The following XKR6 variants were observed in gnomAD, a reference collection of about 807,000 sequenced individuals.
XKR6 encodes XK related 6, also known as XK-related protein 6.
XKR6 carries 22 observed loss-of-function variants against 56.7 expected under a neutral mutation model. The observed-to-expected ratio is 0.39, with a 90% CI of 0.28 to 0.55. XKR6 has a LOEUF of 0.55. Among genes scored for constraint, XKR6 ranks in the 20% least tolerant of loss-of-function variants. The pLI, the probability that XKR6 is intolerant of heterozygous loss-of-function variation, is 0.66. For synonymous variants in XKR6, 524 were observed against 387.8 expected (o/e 1.35, Z -4.13); for missense variants, 852 against 889.0 (o/e 0.96, Z 0.53).
At chr8:11,170,103 AAT>A (rs1391134844) in intron 1 of XKR6, among the ~76,000 whole-genome samples, 2 of 152,216 alleles carry the variant, frequency 1.3e-5, no homozygotes, top group East Asian at 3.8e-4. Flanking sequence ...TGAAAAAAAG[AAT>A]AAATCAGAGT....
At chr8:11,136,213 T>C (rs1264818192) in intron 1 of XKR6, among the ~76,000 whole-genome samples, 2 of 152,202 alleles carry the variant, frequency 1.3e-5, no homozygotes, top group Non-Finnish European at 1.5e-5. Context: ...ACTGAATGTT[T>C]ATGTCTTTCA....
rs557808555 is a variant in XKR6 at position 10,996,221 on chromosome 8, T to C, written c.765-71391A>G. On this transcript the variant is annotated intron_variant, in intron 1 of 2. Transcript: ENST00000416569. ...AATATTGCACTGTAACCCACTGTGA[T>C]TTTTTTACTTCTACTAAGAGGTGCT... 2.0e-5 allele frequency among the ~76,000 whole-genome samples: 3 copies of C among 152,320 alleles called. No individual in the cohort carries two copies. In the East Asian group the frequency reaches 5.8e-4, roughly 29 times the overall value.
At chr8:11,102,595 A>G (rs1798524992) in intron 1 of XKR6, among the ~76,000 whole-genome samples, 1 of 152,184 alleles carries the variant, frequency 6.6e-6, no homozygotes, top group African/African-American at 2.4e-5. Flanking sequence ...ACCTAACTCT[A>G]TGGAAAATTC....
rs778480737 is a variant in XKR6 at position 11,201,196 on chromosome 8, G to A, written c.144C>T (p.Pro48=). 2.0e-6 allele frequency: 3 copies of A among 1,529,264 alleles called. No individual in the cohort carries two copies. Among genetic ancestry groups the A allele is most frequent in the East Asian group, 2.5e-5 (1 of 40,180 alleles). 94.7% of individuals were successfully genotyped at this position (1,529,264 alleles called of 1,614,324 possible). A position where few individuals can be genotyped will look rare whatever the true frequency, so the allele number is the denominator to read the frequency against. The change falls in exon 1 of 3, where the codon CCC becomes CCT. Residue 48 remains proline, a synonymous_variant. Transcript: ENST00000416569. ...AGATGTGCATCGAGCTGCTCTCGCC[G>A]GGCTCGCTGCCGTCGCCGCCGCCGC... The part of the protein sequence containing the change: ...GCGGGGDGSE[P]GESSSMHICH...
chr8:11,172,463 G>C (rs117880699), intron 1 of XKR6, among the ~76,000 whole-genome samples: 1 of 152,174 alleles, frequency 6.6e-6, no homozygotes, highest in South Asian at 2.1e-4. Flanking sequence ...CGTTATATCA[G>C]TTTGGCCATC....
At chr8:10,899,304 A>C (rs1243695052) in intron 2 of XKR6, among the ~76,000 whole-genome samples, 1 of 152,248 alleles carries the variant, frequency 6.6e-6, no homozygotes, top group Non-Finnish European at 1.5e-5. Flanking sequence ...TGTCACCAGC[A>C]GCCTGTGCTC....
chr8:10,997,352 T>C (rs950014033), intron 1 of XKR6, among the ~76,000 whole-genome samples: 1 of 152,164 alleles, frequency 6.6e-6, no homozygotes, highest in African/African-American at 2.4e-5. Context: ...ACTATTTCCA[T>C]TGTACAGATT....
chr8:10,991,813 T>C (rs1797999299), intron 1 of XKR6, among the ~76,000 whole-genome samples: 1 of 152,250 alleles, frequency 6.6e-6, no homozygotes, highest in Admixed American at 6.5e-5. Context: ...TTTTTCTTTT[T>C]ACACCTGACC....
At chr8:10,930,509 C>T (rs1392248764) in intron 1 of XKR6, among the ~76,000 whole-genome samples, 5 of 152,274 alleles carry the variant, frequency 3.3e-5, no homozygotes, top group African/African-American at 1.2e-4. Flanking sequence ...AATAAAACTA[C>T]AGACAACATC....
intron 1 of XKR6, among the ~76,000 whole-genome samples, chr8:11,115,743 G>C (rs974537175): frequency 4.6e-5 from 7 of 152,186 alleles, no homozygotes; most frequent in African/African-American, 1.7e-4. Flanking sequence ...GCTTGTGGGA[G>C]TTATTTGTGT....
At chr8:11,085,862 A>T (rs959289004) in intron 1 of XKR6, among the ~76,000 whole-genome samples, 29 of 152,246 alleles carry the variant, frequency 1.9e-4, no homozygotes, top group African/African-American at 2.4e-5. Context: ...ACCTTGCGTC[A>T]CTCAGGGAGT....
chr8:10,958,664 C>T (rs4645525), intron 1 of XKR6, among the ~76,000 whole-genome samples: 26,464 of 152,224 alleles, frequency 0.17, 3,061 homozygotes, highest in African/African-American at 0.33. Flanking sequence ...AGCCTGGACT[C>T]AGCCTGGGCC....
intron 1 of XKR6, chr8:11,123,942 A>C (rs1003836449): frequency 1.5e-5 from 7 of 455,990 alleles, no homozygotes; most frequent in African/African-American, 1.4e-4. Flanking sequence ...TCATCGCAGC[A>C]GAGGATCGGC....
At chr8:11,167,988 T>C (rs974797369) in intron 1 of XKR6, among the ~76,000 whole-genome samples, 1 of 139,358 alleles carries the variant, frequency 7.2e-6, no homozygotes, top group African/African-American at 2.6e-5. Context: ...ACAAGGAATA[T>C]AATCCCTACA....
At chr8:11,074,864 G>A (rs770468603) in intron 1 of XKR6, among the ~76,000 whole-genome samples, 6 of 152,232 alleles carry the variant, frequency 3.9e-5, no homozygotes, top group African/African-American at 9.6e-5. Context: ...GGAGCAGGAT[G>A]AGCAAAACAG....
intron 1 of XKR6, among the ~76,000 whole-genome samples, chr8:10,945,320 C>G (rs935800956): frequency 9.2e-5 from 14 of 152,158 alleles, no homozygotes; most frequent in Non-Finnish European, 2.1e-4. Flanking sequence ...CCTGTCTCTA[C>G]TAAAACTACA....
chr8:11,186,260 T>G (rs1313230230), intron 1 of XKR6, among the ~76,000 whole-genome samples: 1 of 152,160 alleles, frequency 6.6e-6, no homozygotes, highest in Non-Finnish European at 1.5e-5. Context: ...TCCACCAAAA[T>G]GCAGTCTACC....
chr8:11,138,502 G>A (rs1452672113), intron 1 of XKR6: 7 of 152,160 alleles, frequency 4.6e-5, no homozygotes, highest in African/African-American at 1.7e-4. Flanking sequence ...CAGATGGTTT[G>A]GCTACATTAG....
intron 1 of XKR6, among the ~76,000 whole-genome samples, chr8:11,081,297 A>G (rs889083822): frequency 9.2e-5 from 14 of 152,336 alleles, no homozygotes; most frequent in Non-Finnish European, 1.6e-4. Flanking sequence ...TTAAACACTC[A>G]TATGGAATGA....
Sources: gnomAD v4.1 joint callset for allele counts (sites outside exome capture counted in the v4.1 genomes callset) on GRCh38, gnomAD v4.1.1 for gene constraint, MANE v1.5 for transcripts, NCBI Gene and HGNC (gene_info 2026-07-23, HGNC 2026-07-21) for gene names.